GPATCH2L: variants seen among roughly 807,000 people sequenced by gnomAD.
GPATCH2L encodes G patch domain-containing protein 2-like.
Under a neutral mutation model 57.4 loss-of-function variants are expected in GPATCH2L, and 31 were observed. The observed-to-expected ratio is 0.54, with a 90% CI of 0.41 to 0.73. The LOEUF (loss-of-function observed/expected upper bound fraction) is 0.73, where lower values mean the gene tolerates loss of function less well. Among genes scored for constraint, GPATCH2L ranks in the 30% least tolerant of loss-of-function variants. The pLI is 0.00. For missense variants in GPATCH2L, 481 were observed against 599.9 expected (o/e 0.80, Z 2.07); for synonymous variants, 199 against 210.7 (o/e 0.94, Z 0.48).
chr14:76,171,984 C>G lies in GPATCH2L; in HGVS notation c.869C>G (p.Ser290Cys). ...TCTGGATTGGATAAATTTTCAGATT[C>G]CACATTCCTTTTACCTTCTCGGCCA... ...MDSGLDKFSD[S>C]TFLLPSRPAQ... The change falls in exon 4 of 10, where the codon TCC (serine) becomes TGC (cysteine). Residue 290 changes from serine (S) to cysteine (C), a missense_variant. Ser to Cys is a moderately radical substitution (Grantham distance 112). Coordinates refer to ENST00000261530, the MANE Select transcript of GPATCH2L (RefSeq NM_017926.4). 2.5e-6 allele frequency: 4 copies of G among 1,612,436 alleles called. No homozygotes were observed. Among genetic ancestry groups the G allele is most frequent in the Non-Finnish European group, 3.4e-6 (4 of 1,179,150 alleles).
intron 8 of GPATCH2L, among the ~76,000 whole-genome samples, chr14:76,189,729 G>C (rs2039895957): frequency 6.6e-6 from 1 of 151,988 alleles, no homozygotes; most frequent in African/African-American, 2.4e-5. Flanking sequence ...AGGACTTCCA[G>C]TCCTAAATTG....
intron 2 of GPATCH2L, among the ~76,000 whole-genome samples, chr14:76,230,785 C>T (rs1027742496): frequency 6.6e-5 from 10 of 152,202 alleles, no homozygotes; most frequent in Non-Finnish European, 1.3e-4. Flanking sequence ...AATTCATTAG[C>T]GTGGCTAGAG....
intron 9 of GPATCH2L, among the ~76,000 whole-genome samples, chr14:76,200,508 G>T (rs770175180): frequency 6.6e-6 from 1 of 152,114 alleles, no homozygotes; most frequent in Non-Finnish European, 1.5e-5. Context: ...AAAAGAGAGA[G>T]ATTTGAGTTG....
downstream of GPATCH2L, among the ~76,000 whole-genome samples, chr14:76,215,260 G>A (rs978478861): frequency 2.6e-5 from 4 of 151,960 alleles, no homozygotes; most frequent in African/African-American, 7.2e-5. Context: ...AAAAAGTCAG[G>A]AAACAACAGG....
At chr14:76,222,061 G>C (rs549652177) in intron 1 of GPATCH2L, among the ~76,000 whole-genome samples, 2 of 152,140 alleles carry the variant, frequency 1.3e-5, no homozygotes, top group Admixed American at 1.3e-4. Context: ...GTGCATGTGT[G>C]GGGGAAGAAG....
At chr14:76,185,965 C>T (rs2039750313) in intron 8 of GPATCH2L, among the ~76,000 whole-genome samples, 8 of 152,088 alleles carry the variant, frequency 5.3e-5, no homozygotes, top group Admixed American at 5.2e-4. Flanking sequence ...ACTTAATCTT[C>T]CCATACCTCA....
chr14:76,216,079 C>G (rs188732643), downstream of GPATCH2L, among the ~76,000 whole-genome samples: 16 of 152,094 alleles, frequency 1.1e-4, no homozygotes, highest in East Asian at 3.1e-3. Flanking sequence ...AGGGCCTGCT[C>G]AAGGCAGGAA....
rs1016194628 is a variant in GPATCH2L, at chr14:76,172,009, A to G, written c.894A>G (p.Pro298=). The G allele has an allele frequency of 1.2e-6, 2 of 1,606,760 alleles. No homozygotes were observed. Among genetic ancestry groups the G allele is most frequent in the African/African-American group, 2.7e-5 (2 of 74,556 alleles). Residue 298 remains proline, a synonymous_variant, in exon 4 of 10, where the codon CCA becomes CCG. Transcript: ENST00000261530. ...CCACATTCCTTTTACCTTCTCGGCC[A>G]GCTCAAAGAGGTGAGTTCTGAGGAG... ...SDSTFLLPSR[P]AQRGYHTRLN...
In GPATCH2L at chr14:76,202,107, A is replaced by C; in HGVS notation, c.*256A>C. On this transcript the variant is annotated 3_prime_UTR_variant, in exon 10 of 10. Transcript: ENST00000261530. ...CCTCTGCTCTATTTGTTACCTTGTT[A>C]TTGCTGTCTCAACATTTACTACAGC... 3.2e-6 allele frequency: 1 copy of C among 313,238 alleles called. No homozygotes were observed. The highest frequency in any genetic ancestry group is 8.2e-5 in the South Asian group (1 of 12,252). 19.4% of individuals were successfully genotyped at this position (313,238 alleles called of 1,614,324 possible). A position where few individuals can be genotyped will look rare whatever the true frequency, so the allele number is the denominator to read the frequency against.
intron 6 of GPATCH2L, 62 bp downstream of exon 6, chr14:76,176,752 A>C: frequency 9.9e-7 from 1 of 1,009,496 alleles, no homozygotes; most frequent in Non-Finnish European, 1.6e-6. Context: ...GGCAGAGGGG[A>C]GTTTTATGGA....
At chr14:76,232,987 C>T (rs1239493350) in intron 2 of GPATCH2L, among the ~76,000 whole-genome samples, 2 of 152,164 alleles carry the variant, frequency 1.3e-5, no homozygotes, top group African/African-American at 4.8e-5. Context: ...AGGCCCCAGG[C>T]AAACAAAGGC....
At chr14:76,186,495 G>A (rs2039771689) in intron 8 of GPATCH2L, among the ~76,000 whole-genome samples, 1 of 152,196 alleles carries the variant, frequency 6.6e-6, no homozygotes, top group African/African-American at 2.4e-5. Flanking sequence ...GGGCTTGGGG[G>A]AAGGAACCTT....
chr14:76,226,120 A>C lies in GPATCH2L; in HGVS notation c.66-3688A>C, dbSNP rs116566020. ...TTCCACTCTAAAGTACAAACCCCATAGAAACATACATACACATACATATAT... is the reference window on the plus strand; with the variant it reads ...TTCCACTCTAAAGTACAAACCCCATCGAAACATACATACACATACATATAT... On this transcript the variant is annotated intron_variant and NMD_transcript_variant, in intron 1 of 3. Coordinates refer to the GPATCH2L transcript ENST00000556372. 3.8e-3 allele frequency among the ~76,000 whole-genome samples: 575 copies of C among 152,360 alleles called. 4 individuals carry two copies. Among genetic ancestry groups the C allele is most frequent in the African/African-American group, 0.013 (557 of 41,582 alleles).
rs2040417855 is a variant in GPATCH2L at position 76,209,605 on chromosome 14, C to T, written c.*7754C>T. ...GGGCCTGTGCCCAAAAGGGGCTCCT[C>T]CACCTAATGCTGTCTTTAATCTGTG... On this transcript the variant is annotated 3_prime_UTR_variant, in exon 10 of 10. Transcript: ENST00000261530. The T allele has an allele frequency of 6.6e-6, 1 of 152,280 alleles. No individual in the cohort carries two copies. The highest frequency in any genetic ancestry group is 2.1e-4 in the South Asian group (1 of 4,838). 9.4% of individuals were successfully genotyped at this position (152,280 alleles called of 1,614,324 possible). A position where few individuals can be genotyped will look rare whatever the true frequency, so the allele number is the denominator to read the frequency against.
At chr14:76,178,373 C>T in intron 7 of GPATCH2L, 1 of 630,782 alleles carries the variant, frequency 1.6e-6, no homozygotes, top group Non-Finnish European at 2.3e-6. Context: ...CAGTGGTCCC[C>T]AACCTTATGT....
chr14:76,223,419 T>C (rs1345343643), intron 1 of GPATCH2L, among the ~76,000 whole-genome samples: 1 of 152,110 alleles, frequency 6.6e-6, no homozygotes, highest in Non-Finnish European at 1.5e-5. Flanking sequence ...TTATACAATA[T>C]GCAAAATTAA....
intron 5 of GPATCH2L, chr14:76,173,891 T>G: frequency 6.8e-6 from 3 of 441,628 alleles, no homozygotes; most frequent in Non-Finnish European, 1.2e-5. Flanking sequence ...CCTACAAGCC[T>G]GAGCTGTGTC....
In GPATCH2L at chr14:76,211,925, A is replaced by G; in HGVS notation, c.*10074A>G. On this transcript the variant is annotated 3_prime_UTR_variant, in exon 10 of 10. Transcript: ENST00000261530. ...ACAGCTTCTGACTGACCAGCATTTT[A>G]AATTAGGCGATGCAGTCTAGCTTTT... The G allele has an allele frequency of 6.6e-6, 1 of 152,148 alleles. No homozygotes were observed. Among genetic ancestry groups the G allele is most frequent in the Admixed American group, 6.6e-5 (1 of 15,254 alleles). The allele number at this position is 152,148 out of a possible 1,614,324, so 9.4% of individuals were successfully genotyped here.
intron 2 of GPATCH2L, among the ~76,000 whole-genome samples, chr14:76,166,201 T>A (rs1435817095): frequency 6.6e-6 from 1 of 152,046 alleles, no homozygotes; most frequent in East Asian, 1.9e-4. Flanking sequence ...TTTTGTCATA[T>A]TTTTTTCTTG....
Sources: allele counts gnomAD v4.1 joint callset (sites outside exome capture counted in the v4.1 genomes callset), GRCh38; gene constraint gnomAD v4.1.1; transcripts MANE v1.5; gene names NCBI Gene and HGNC (gene_info 2026-07-23, HGNC 2026-07-21).